Variants in KLHL29 observed in about 807,000 individuals in gnomAD.
The protein encoded by KLHL29 is kelch-like protein 29.
KLHL29 carries 21 observed loss-of-function variants against 80.4 expected under a neutral mutation model. The ratio of observed to expected loss-of-function variants is 0.26; its 90% CI spans 0.19 to 0.38. The LOEUF is 0.38. Among genes scored for constraint, KLHL29 ranks in the 10% least tolerant of loss-of-function variants. KLHL29 has a pLI of 1.00. For synonymous variants in KLHL29, 511 were observed against 526.8 expected, an observed-to-expected ratio of 0.97 and a Z score of 0.41; for missense variants, 867 against 1,223.9, an observed-to-expected ratio of 0.71 and a Z score of 4.35.
chr2:23,468,946 T>G (rs1041301041), intron 1 of KLHL29, among the ~76,000 whole-genome samples: 3 of 152,192 alleles, frequency 2.0e-5, no homozygotes, highest in African/African-American at 7.2e-5. Context: ...GCTGAGGACT[T>G]GGGATGGGCC....
intron 5 of KLHL29, among the ~76,000 whole-genome samples, chr2:23,673,819 C>T (rs1392723832): frequency 2.0e-5 from 3 of 151,800 alleles, no homozygotes; most frequent in African/African-American, 7.3e-5. Flanking sequence ...TACACACGCC[C>T]TCCATGTTTG....
intron 1 of KLHL29, among the ~76,000 whole-genome samples, chr2:23,421,176 A>G (rs1662790427): frequency 6.6e-6 from 1 of 152,218 alleles, no homozygotes; most frequent in South Asian, 2.1e-4. Context: ...CACCTGTTCC[A>G]GGTCCTTTGA....
chr2:23,499,453 T>TTGCTC (rs551763991), intron 2 of KLHL29, among the ~76,000 whole-genome samples: 3 of 152,216 alleles, frequency 2.0e-5, no homozygotes, highest in Non-Finnish European at 4.4e-5. Context: ...ACTTATGTTC[T>TTGCTC]TGCTCCAGAG....
intron 2 of KLHL29, chr2:23,523,836 T>C (rs939042805): frequency 2.5e-5 from 9 of 359,446 alleles, no homozygotes; most frequent in Admixed American, 2.4e-4. Flanking sequence ...CAAAGACTCA[T>C]TTCAACAAGC....
At chr2:23,584,551 A>G (rs1200043660) in intron 3 of KLHL29, among the ~76,000 whole-genome samples, 3 of 152,220 alleles carry the variant, frequency 2.0e-5, no homozygotes, top group African/African-American at 4.8e-5. Flanking sequence ...GCCTGAGCTC[A>G]TCACGTCCCT....
rs1319734492 is a variant in KLHL29, at chr2:23,444,419, G to T, written c.-153-31141G>T. Among the ~76,000 whole-genome samples the T allele has an allele frequency of 2.0e-5, 3 of 152,256 alleles. No individual in the cohort carries two copies. In the East Asian group the frequency reaches 5.8e-4, roughly 29 times the overall value. The stretch of plus-strand genomic sequence containing the variant: ...GGCTCACTGCAACCTCCGCCTCTCG[G>T]GTTCAAGCGATTCTCCTGCCTCAGC... On this transcript the variant is annotated intron_variant, in intron 1 of 13. Coordinates refer to ENST00000486442, the MANE Select transcript of KLHL29 (RefSeq NM_052920.2).
At chr2:23,414,305 A>C (rs1666935116) in intron 1 of KLHL29, among the ~76,000 whole-genome samples, 1 of 141,176 alleles carries the variant, frequency 7.1e-6, no homozygotes, top group South Asian at 2.5e-4. Context: ...GGGCAGACAG[A>C]GTGGGTGGCA....
intron 3 of KLHL29, among the ~76,000 whole-genome samples, chr2:23,625,657 G>C (rs114189764): frequency 2.6e-5 from 4 of 152,186 alleles, no homozygotes; most frequent in African/African-American, 9.7e-5. Flanking sequence ...ATCTCCACTC[G>C]GTTCACTCAG....
chr2:23,640,291 G>A (rs915000285), intron 4 of KLHL29, among the ~76,000 whole-genome samples: 1 of 152,094 alleles, frequency 6.6e-6, no homozygotes. Flanking sequence ...TCCAAGTCAC[G>A]GATTAAAATG....
At chr2:23,584,859 C>G (rs925536867) in intron 3 of KLHL29, among the ~76,000 whole-genome samples, 1 of 152,220 alleles carries the variant, frequency 6.6e-6, no homozygotes, top group Non-Finnish European at 1.5e-5. Context: ...GCCTCAGCCT[C>G]CTGAGTAGCT....
chr2:23,450,592 C>T lies in KLHL29; in HGVS notation c.-153-24968C>T, dbSNP rs974137818. Among the ~76,000 whole-genome samples the T allele has an allele frequency of 2.6e-5, 4 of 152,120 alleles. No individual in the cohort carries two copies. In the South Asian group the frequency reaches 6.2e-4, roughly 24 times the overall value. ...AGACTAAAAAAAAATGGACATTCCT[C>T]CCGTTTTTCTTTTGGATCCGTTTCC... is the stretch of plus-strand genomic sequence containing the variant. On this transcript the variant is annotated intron_variant, in intron 1 of 13. Coordinates refer to ENST00000486442, the MANE Select transcript of KLHL29 (RefSeq NM_052920.2).
Position 23,416,837 on chromosome 2 carries a change from A to G in KLHL29, c.-154+31057A>G, listed in dbSNP as rs535723925. Among the ~76,000 whole-genome samples the G allele has an allele frequency of 6.2e-4, 95 of 152,266 alleles. No homozygotes were observed. In the South Asian group the frequency reaches 0.017, roughly 28 times the overall value. The stretch of plus-strand genomic sequence containing the variant: ...GTATTGTTATGGGCTCCCTAAAACA[A>G]TGGTTCCCAAATCCGTATCTTCAGT... On this transcript the variant is annotated intron_variant, in intron 1 of 13. Transcript: ENST00000486442.
rs1672309799 is a variant in KLHL29, at chr2:23,700,740, G to C, written c.2106-2446G>C. The stretch of plus-strand genomic sequence containing the variant: ...CCCACGGTCTCCACTGACACAAATG[G>C]GTTCTGCACCTCTTGTTCCGGTTGA... On this transcript the variant is annotated intron_variant, in intron 11 of 13. Coordinates refer to ENST00000486442, the MANE Select transcript of KLHL29 (RefSeq NM_052920.2). This position sits in a 1 kb window ranked among gnomAD's most constrained non-coding sequence, Gnocchi z 4.6. Among the ~76,000 whole-genome samples the C allele has an allele frequency of 6.6e-6, 1 of 152,090 alleles. No individual in the cohort carries two copies. Among genetic ancestry groups the C allele is most frequent in the Non-Finnish European group, 1.5e-5 (1 of 68,014 alleles).
chr2:23,517,920 G>A (rs1052709547), intron 2 of KLHL29, among the ~76,000 whole-genome samples: 2 of 152,122 alleles, frequency 1.3e-5, no homozygotes, highest in African/African-American at 4.8e-5. Context: ...AGGTATTTTT[G>A]TTCTCCCTCA....
At chr2:23,678,975 G>A (rs931492288) in intron 5 of KLHL29, among the ~76,000 whole-genome samples, 1 of 151,432 alleles carries the variant, frequency 6.6e-6, no homozygotes, top group Non-Finnish European at 1.5e-5. Context: ...AAGGATTCCA[G>A]AGGATTGCCC....
intron 1 of KLHL29, among the ~76,000 whole-genome samples, chr2:23,441,799 G>A (rs887732840): frequency 5.3e-5 from 8 of 152,156 alleles, no homozygotes; most frequent in African/African-American, 1.9e-4. Context: ...ACAGCATGAT[G>A]GTTGGATTCT....
intron 1 of KLHL29, among the ~76,000 whole-genome samples, chr2:23,418,488 T>G (rs1406742066): frequency 6.6e-6 from 1 of 152,196 alleles, no homozygotes; most frequent in African/African-American, 2.4e-5. Context: ...AATGTTAGGC[T>G]TCAGCATGAT....
chr2:23,658,172 C>T (rs1207708041), intron 5 of KLHL29, among the ~76,000 whole-genome samples: 1 of 152,090 alleles, frequency 6.6e-6, no homozygotes, highest in Non-Finnish European at 1.5e-5. Context: ...TACTCACACC[C>T]TTCAAGGGTC....
chr2:23,556,667 A>G (rs1168438664), intron 2 of KLHL29, among the ~76,000 whole-genome samples: 2 of 149,980 alleles, frequency 1.3e-5, no homozygotes, highest in Non-Finnish European at 3.0e-5. Context: ...AAAAAAAAAC[A>G]GAAAGACTTC....
Sources: gnomAD v4.1 joint callset for allele counts (sites outside exome capture counted in the v4.1 genomes callset) on GRCh38, gnomAD v4.1.1 for gene constraint, Gnocchi (gnomAD v3.1) non-coding constraint, MANE v1.5 for transcripts, NCBI Gene and HGNC (gene_info 2026-07-23, HGNC 2026-07-21) for gene names.